The following ABLIM2 variants were observed in gnomAD, a reference collection of about 807,000 sequenced individuals.
The protein encoded by ABLIM2 is actin-binding LIM protein 2.
In ABLIM2, 53 loss-of-function variants were observed where a neutral mutation model predicts 97.7. The ratio of observed to expected loss-of-function variants is 0.54; its 90% CI spans 0.44 to 0.68. The LOEUF is 0.68. Ranked by LOEUF, ABLIM2 falls within the 30% of genes least tolerant of loss-of-function variation. The probability of loss-of-function intolerance (pLI) is 0.00; values close to 1 mark genes in which losing one functional copy is unlikely to be tolerated. For missense variants in ABLIM2, 835 were observed against 867.2 expected (o/e 0.96, Z 0.47); for synonymous variants, 361 against 345.8 (o/e 1.04, Z -0.49).
At chr4:8,136,331 A>T (rs980598081) in intron 1 of ABLIM2, among the ~76,000 whole-genome samples, 1 of 152,308 alleles carries the variant, frequency 6.6e-6, no homozygotes, top group Non-Finnish European at 1.5e-5. Flanking sequence ...TGGGAAGATG[A>T]GAGGGTCCTG....
In ABLIM2 at chr4:8,145,749, C is replaced by T. The variant is rs1362639864; in HGVS notation, c.10+12931G>A. Reference sequence around the variant, plus strand: ...TATCCCCAGACTACACACTCATACACACACACACACACACACACACACACA... The same window carrying T: ...TATCCCCAGACTACACACTCATACATACACACACACACACACACACACACA... On this transcript the variant is annotated intron_variant, in intron 1 of 20. Coordinates refer to ENST00000447017, the MANE Select transcript of ABLIM2 (RefSeq NM_001130083.2). Among the ~76,000 whole-genome samples the T allele has an allele frequency of 4.0e-3, 263 of 66,422 alleles. 1 individual carries two copies. Among genetic ancestry groups the T allele is most frequent in the South Asian group, 9.9e-3 (17 of 1,710 alleles). 43.6% of individuals were successfully genotyped at this position (66,422 alleles called of 152,430 possible). A position where few individuals can be genotyped will look rare whatever the true frequency, so the allele number is the denominator to read the frequency against.
chr4:8,056,707 C>T (rs1055835660), intron 7 of ABLIM2, among the ~76,000 whole-genome samples: 17 of 151,782 alleles, frequency 1.1e-4, no homozygotes, highest in East Asian at 7.9e-4. Context: ...CTGAGGCAGG[C>T]GGATCACGAG....
intron 1 of ABLIM2, among the ~76,000 whole-genome samples, chr4:8,152,415 C>T (rs751449714): frequency 8.5e-5 from 13 of 152,252 alleles, no homozygotes; most frequent in South Asian, 2.1e-4. Flanking sequence ...AGCAGCGCTG[C>T]GAGGACCCCG....
chr4:8,040,956 T>C (rs1788055832), intron 9 of ABLIM2, among the ~76,000 whole-genome samples: 1 of 152,208 alleles, frequency 6.6e-6, no homozygotes, highest in South Asian at 2.1e-4. Context: ...TGATGGCAGG[T>C]CCCTGGGCAG....
intron 11 of ABLIM2, 83 bp downstream of exon 11, chr4:8,029,573 C>CA: frequency 2.4e-6 from 3 of 1,250,866 alleles, no homozygotes; most frequent in Admixed American, 4.0e-5. Flanking sequence ...CACTTATAAC[C>CA]GAAAAAAAAA....
At position 8,075,938 on chromosome 4, in the gene ABLIM2, G is replaced by A. The variant is rs548846862; in HGVS notation, c.675+1690C>T. Among the ~76,000 whole-genome samples, 79 of 152,330 alleles carry A rather than the reference G, an allele frequency of 5.2e-4. No individual in the cohort carries two copies. The highest frequency in any genetic ancestry group is 1.9e-3 in the African/African-American group (78 of 41,584). Reference sequence around the variant, plus strand: ...GATTACATGGAAAGAAAAAACGAAAGAAAACTGGCCAGAAAGTTAGGCTAA... The same window carrying A: ...GATTACATGGAAAGAAAAAACGAAAAAAAACTGGCCAGAAAGTTAGGCTAA... On this transcript the variant is annotated intron_variant, in intron 6 of 20. Transcript: ENST00000447017. The surrounding 1 kb of genome is among the most constrained non-coding windows in gnomAD (Gnocchi z 4.4).
chr4:8,102,416 C>T (rs1835120014), intron 2 of ABLIM2, among the ~76,000 whole-genome samples: 1 of 152,218 alleles, frequency 6.6e-6, no homozygotes, highest in African/African-American at 2.4e-5. Flanking sequence ...TATTCTTTAT[C>T]ATGTTTATTA....
chr4:7,983,536 G>T lies in ABLIM2; in HGVS notation c.1743+11C>A, dbSNP rs1560408487. 6.2e-7 allele frequency: 1 copy of T among 1,613,052 alleles called. No individual in the cohort carries two copies. The highest frequency in any genetic ancestry group is 8.5e-7 in the Non-Finnish European group (1 of 1,179,674). On this transcript the variant is annotated intron_variant, in intron 19 of 20. Coordinates refer to ENST00000447017, the MANE Select transcript of ABLIM2 (RefSeq NM_001130083.2). ...CGGCACGGAGGTCAGTGTGGGAGCG[G>T]CCCCGCTTACCTTGTATTCTGTAAG...
chr4:8,121,418 T>A (rs956264661), intron 1 of ABLIM2, among the ~76,000 whole-genome samples: 2 of 151,940 alleles, frequency 1.3e-5, no homozygotes, highest in Non-Finnish European at 2.9e-5. Flanking sequence ...TCCTGGAGGG[T>A]GTTATTCCAT....
intron 6 of ABLIM2, among the ~76,000 whole-genome samples, chr4:8,065,915 C>T (rs1806843188): frequency 6.9e-6 from 1 of 144,816 alleles, no homozygotes; most frequent in South Asian, 2.2e-4. Context: ...CAGTGCAAGA[C>T]TCCAGAAAGA....
chr4:8,127,499 C>T lies in ABLIM2; in HGVS notation c.11-20862G>A, dbSNP rs762542820. 39 of 1,289,294 alleles carry T rather than the reference C, an allele frequency of 3.0e-5. 1 individual carries two copies. Among genetic ancestry groups the T allele is most frequent in the South Asian group, 2.0e-4 (16 of 80,992 alleles). The allele number at this position is 1,289,294 out of a possible 1,614,324, so 79.9% of individuals were successfully genotyped here. On this transcript the variant is annotated intron_variant, in intron 1 of 20. Coordinates refer to ENST00000447017, the MANE Select transcript of ABLIM2 (RefSeq NM_001130083.2). This position sits in a 1 kb window ranked among gnomAD's most constrained non-coding sequence, Gnocchi z 7.3. ...CCCTGAAGCTGACTCATGGAGCTCA[C>T]GGCTCCCAGCCGGATGGTCTGGGCA...
rs1561325837 is a variant in ABLIM2, at chr4:8,091,349, AT to A, written c.339-3066del. Among the ~76,000 whole-genome samples the A allele has an allele frequency of 2.6e-4, 5 of 19,210 alleles. 1 individual carries two copies. Among genetic ancestry groups the A allele is most frequent in the East Asian group, 9.2e-4 (1 of 1,092 alleles). The allele number at this position is 19,210 out of a possible 152,430, so 12.6% of individuals were successfully genotyped here. On this transcript the variant is annotated intron_variant, in intron 3 of 20. Coordinates refer to ENST00000447017, the MANE Select transcript of ABLIM2 (RefSeq NM_001130083.2). ...TATATATTATATATATAATATATAT[AT>A]AATTATATATATATTATATTACATA...
At chr4:8,006,930 A>G (rs1761822090) in intron 16 of ABLIM2, 1 of 713,578 alleles carries the variant, frequency 1.4e-6, no homozygotes, top group African/African-American at 1.9e-5. Context: ...GAATGCTGGG[A>G]TCCTGGTATT....
At chr4:8,154,869 C>T (rs1469091542) in intron 1 of ABLIM2, among the ~76,000 whole-genome samples, 2 of 152,220 alleles carry the variant, frequency 1.3e-5, no homozygotes, top group Admixed American at 6.5e-5. Context: ...CTCCACATGG[C>T]TAGGGAGGCC....
intron 1 of ABLIM2, among the ~76,000 whole-genome samples, chr4:8,143,161 G>A (rs1363041002): frequency 7.2e-6 from 1 of 139,804 alleles, no homozygotes; most frequent in Non-Finnish European, 1.5e-5. Flanking sequence ...GGCGAGAGTG[G>A]GGGGGGGGGG....
intron 1 of ABLIM2, among the ~76,000 whole-genome samples, chr4:8,107,040 C>T (rs67226301): frequency 0.031 from 4,709 of 152,346 alleles, 99 homozygotes; most frequent in Admixed American, 0.043. Context: ...GGACAAGGCA[C>T]CCCTCTGTGA....
chr4:8,072,158 G>T lies in ABLIM2; in HGVS notation c.675+5470C>A. On this transcript the variant is annotated intron_variant, in intron 6 of 20. Coordinates refer to ENST00000447017, the MANE Select transcript of ABLIM2 (RefSeq NM_001130083.2). This position sits in a 1 kb window ranked among gnomAD's most constrained non-coding sequence, Gnocchi z 5.8. Reference sequence around the variant, plus strand: ...GAGGCCCTTTCTCCTCCACAGCAGAGGAGGAGGAAAAAACCCAGACCTGTT... The same window carrying T: ...GAGGCCCTTTCTCCTCCACAGCAGATGAGGAGGAAAAAACCCAGACCTGTT... The T allele has an allele frequency of 2.6e-6, 2 of 777,484 alleles. No individual in the cohort carries two copies. The highest frequency in any genetic ancestry group is 3.1e-6 in the Non-Finnish European group (2 of 640,006). The allele number at this position is 777,484 out of a possible 1,614,324, so 48.2% of individuals were successfully genotyped here.
At chr4:8,102,377 T>A (rs940573199) in intron 2 of ABLIM2, among the ~76,000 whole-genome samples, 2 of 152,232 alleles carry the variant, frequency 1.3e-5, no homozygotes, top group Admixed American at 6.5e-5. Flanking sequence ...CAGGGCTCAC[T>A]TTCTAGCACA....
chr4:7,972,076 G>A (rs921274261), intron 20 of ABLIM2, among the ~76,000 whole-genome samples: 3 of 152,210 alleles, frequency 2.0e-5, no homozygotes, highest in African/African-American at 7.2e-5. Flanking sequence ...CCAGCAGGAG[G>A]TCCCTGCAGG....
Sources: allele counts gnomAD v4.1 joint callset (sites outside exome capture counted in the v4.1 genomes callset), GRCh38; gene constraint gnomAD v4.1.1; non-coding constraint Gnocchi (gnomAD v3.1); transcripts MANE v1.5; gene names NCBI Gene and HGNC (gene_info 2026-07-23, HGNC 2026-07-21).